Variants in PTPN3 observed in about 807,000 individuals in gnomAD.
The protein encoded by PTPN3 is tyrosine-protein phosphatase non-receptor type 3.
A neutral mutation model predicts 132.7 loss-of-function variants in PTPN3; 96 were observed. That is an observed-to-expected ratio of 0.72 (90% confidence interval 0.61 to 0.86). The LOEUF is 0.86. Among genes scored for constraint, PTPN3 ranks in the 40% least tolerant of loss-of-function variants. The probability of loss-of-function intolerance (pLI) is 0.00; values close to 1 mark genes in which losing one functional copy is unlikely to be tolerated. For synonymous variants in PTPN3, 398 were observed against 429.0 expected, an observed-to-expected ratio of 0.93 and a Z score of 0.89; for missense variants, 1,125 against 1,159.6, an observed-to-expected ratio of 0.97 and a Z score of 0.43.
At chr9:109,457,961 C>G (rs796600577) in intron 2 of PTPN3, among the ~76,000 whole-genome samples, 4 of 152,364 alleles carry the variant, frequency 2.6e-5, no homozygotes, top group African/African-American at 9.6e-5. Context: ...GCTTCCCCTT[C>G]CCATCATCTG....
At chr9:109,424,792 T>C (rs997914395) in intron 12 of PTPN3, among the ~76,000 whole-genome samples, 1 of 152,204 alleles carries the variant, frequency 6.6e-6, no homozygotes, top group African/African-American at 2.4e-5. Flanking sequence ...CACAAAGTCA[T>C]GAGATATAAC....
intron 7 of PTPN3, among the ~76,000 whole-genome samples, chr9:109,444,085 C>A (rs1216057181): frequency 1.3e-5 from 2 of 152,096 alleles, no homozygotes; most frequent in African/African-American, 4.8e-5. Context: ...TGTAGTTCAG[C>A]CAGTGCCTGC....
intron 1 of PTPN3, among the ~76,000 whole-genome samples, chr9:109,469,175 C>T (rs1046328117): frequency 2.0e-5 from 3 of 152,182 alleles, no homozygotes; most frequent in Non-Finnish European, 4.4e-5. Flanking sequence ...CCTGAGACAA[C>T]GAAAGGGTAA....
intron 4 of PTPN3, among the ~76,000 whole-genome samples, chr9:109,455,583 T>C (rs185907325): frequency 6.6e-6 from 1 of 152,356 alleles, no homozygotes. Flanking sequence ...TCCACATGTC[T>C]AGGTACCAGC....
the PTPN3 span, among the ~76,000 whole-genome samples, chr9:109,517,891 G>C: frequency 2.0e-5 from 3 of 152,178 alleles, no homozygotes; most frequent in East Asian, 5.8e-4. Context: ...GGATGAGAGA[G>C]AGGGTGGACA....
chr9:109,520,324 C>G, the PTPN3 span, among the ~76,000 whole-genome samples: 1 of 152,130 alleles, frequency 6.6e-6, no homozygotes, highest in African/African-American at 2.4e-5. Flanking sequence ...TTGTACTGTA[C>G]TGTATTTGTA....
At chr9:109,456,184 C>T (rs904379076) in intron 4 of PTPN3, among the ~76,000 whole-genome samples, 1 of 152,206 alleles carries the variant, frequency 6.6e-6, no homozygotes, top group African/African-American at 2.4e-5. Context: ...CCTGTGTATG[C>T]GCACCTGCGT....
At chr9:109,478,385 C>G (rs766196359) in intron 1 of PTPN3, among the ~76,000 whole-genome samples, 1 of 145,240 alleles carries the variant, frequency 6.9e-6, no homozygotes, top group Non-Finnish European at 1.5e-5. Context: ...TCTGTTATGA[C>G]TCTACGATAT....
At chr9:109,394,485 C>G (rs1353301229) in intron 19 of PTPN3, among the ~76,000 whole-genome samples, 3 of 151,158 alleles carry the variant, frequency 2.0e-5, no homozygotes, top group Non-Finnish European at 4.4e-5. Flanking sequence ...ACACGTTGCC[C>G]AGGCTGGGCT....
At chr9:109,532,127 G>C in the PTPN3 span, among the ~76,000 whole-genome samples, 3 of 152,112 alleles carry the variant, frequency 2.0e-5, no homozygotes, top group African/African-American at 7.2e-5. Context: ...CAAATGTTCC[G>C]ATCTTAGCAC....
chr9:109,457,871 G>A (rs1330257607), intron 2 of PTPN3, among the ~76,000 whole-genome samples: 1 of 152,248 alleles, frequency 6.6e-6, no homozygotes, highest in Non-Finnish European at 1.5e-5. Context: ...AAGGAAGACA[G>A]CTAAAAATAC....
At chr9:109,521,229 G>A in the PTPN3 span, among the ~76,000 whole-genome samples, 1 of 152,052 alleles carries the variant, frequency 6.6e-6, no homozygotes, top group Non-Finnish European at 1.5e-5. Flanking sequence ...TGGAATCATG[G>A]CTCACTGCAA....
the PTPN3 span, among the ~76,000 whole-genome samples, chr9:109,523,083 T>G: frequency 6.6e-6 from 1 of 152,028 alleles, no homozygotes; most frequent in African/African-American, 2.4e-5. Flanking sequence ...TTCATTAAAG[T>G]GCCTGGAATA....
At chr9:109,435,353 T>C (rs945161452) in intron 9 of PTPN3, among the ~76,000 whole-genome samples, 2 of 152,166 alleles carry the variant, frequency 1.3e-5, no homozygotes, top group African/African-American at 4.8e-5. Flanking sequence ...TATGTCTCTT[T>C]TGGGCTGAAG....
chr9:109,424,863 C>T (rs1843129140), intron 12 of PTPN3, among the ~76,000 whole-genome samples: 1 of 152,186 alleles, frequency 6.6e-6, no homozygotes, highest in South Asian at 2.1e-4. Context: ...CAATACAAGA[C>T]CAGAACCCAG....
the PTPN3 span, among the ~76,000 whole-genome samples, chr9:109,523,143 G>C: frequency 0.016 from 2,371 of 149,194 alleles, 23 homozygotes; most frequent in Non-Finnish European, 0.022. Context: ...ATGAGATGGA[G>C]TCTCGCTTTG....
chr9:109,450,420 C>A lies in PTPN3; in HGVS notation c.369-1565G>T, dbSNP rs186811823. Reference sequence around the variant, plus strand: ...GTTATAGATAATCCAATGGTGAACCCGGGCTTTCATTGACAAGCTCAGCTA... The same window carrying A: ...GTTATAGATAATCCAATGGTGAACCAGGGCTTTCATTGACAAGCTCAGCTA... On this transcript the variant is annotated intron_variant, in intron 5 of 25. Transcript: ENST00000374541. The A allele has an allele frequency of 9.1e-6, 9 of 984,494 alleles. No individual in the cohort carries two copies. The African/African-American group carries it at 1.6e-4, about 17-fold the overall frequency. 61.0% of individuals were successfully genotyped at this position (984,494 alleles called of 1,614,324 possible). A position where few individuals can be genotyped will look rare whatever the true frequency, so the allele number is the denominator to read the frequency against.
chr9:109,465,097 G>T (rs1187327815), intron 1 of PTPN3, among the ~76,000 whole-genome samples: 1 of 152,172 alleles, frequency 6.6e-6, no homozygotes, highest in East Asian at 1.9e-4. Context: ...TTGAAAAAGA[G>T]AGTATAATAT....
At chr9:109,464,701 C>T (rs562367476) in intron 1 of PTPN3, among the ~76,000 whole-genome samples, 130 of 152,270 alleles carry the variant, frequency 8.5e-4, no homozygotes, top group South Asian at 2.7e-3. Flanking sequence ...AAATGTGGAA[C>T]GGATAAACTG....
Sources: gnomAD v4.1 joint callset for allele counts (sites outside exome capture counted in the v4.1 genomes callset) on GRCh38, gnomAD v4.1.1 for gene constraint, MANE v1.5 for transcripts, NCBI Gene and HGNC (gene_info 2026-07-23, HGNC 2026-07-21) for gene names.